KIAA2012: variants seen among roughly 807,000 people sequenced by gnomAD.
KIAA2012 encodes uncharacterized protein KIAA2012.
Under a neutral mutation model 150.6 loss-of-function variants are expected in KIAA2012, and 125 were observed. The observed-to-expected ratio is 0.83, with a 90% confidence interval of 0.72 to 0.96. The LOEUF is 0.96. KIAA2012 is among the 40% of genes least tolerant of loss of function. The pLI, the probability that KIAA2012 is intolerant of heterozygous loss-of-function variation, is 0.00. For missense variants in KIAA2012, 1,219 were observed against 1,354.9 expected (o/e 0.90, Z 1.57); for synonymous variants, 462 against 504.7 (o/e 0.92, Z 1.13).
intron 15 of KIAA2012, among the ~76,000 whole-genome samples, chr2:202,176,152 C>T (rs1268817527): frequency 2.6e-4 from 39 of 151,514 alleles, no homozygotes. Context: ...AAGGAAAAAA[C>T]TTTTTACCTA....
chr2:202,170,445 G>T lies in KIAA2012; in HGVS notation c.2119+5089G>T, dbSNP rs150613951. Among the ~76,000 whole-genome samples the T allele has an allele frequency of 9.1e-4, 139 of 152,174 alleles. 1 individual carries two copies. The highest frequency in any genetic ancestry group is 2.7e-3 in the African/African-American group (110 of 41,502). ...TCCATGGTTCAGCCTCCAGGTTCAGGCCGTCTTAAGTCTTTAACCACCGAC... is the reference window on the plus strand; with the variant it reads ...TCCATGGTTCAGCCTCCAGGTTCAGTCCGTCTTAAGTCTTTAACCACCGAC... On this transcript the variant is annotated intron_variant, in intron 15 of 23. Coordinates refer to ENST00000498697, the MANE Select transcript of KIAA2012 (RefSeq NM_001277372.4).
intron 14 of KIAA2012, among the ~76,000 whole-genome samples, chr2:202,157,774 ACTGCAGCCCCCAG>A (rs1691558927): frequency 6.6e-6 from 1 of 152,298 alleles, no homozygotes; most frequent in South Asian, 2.1e-4. Flanking sequence ...ATAAAGCCTC[ACTGCAGCCCCCAG>A]CTGAGCCCTG....
intron 22 of KIAA2012, among the ~76,000 whole-genome samples, chr2:202,200,362 G>GAGGACCCA (rs1350679770): frequency 6.6e-6 from 1 of 152,118 alleles, no homozygotes; most frequent in African/African-American, 2.4e-5. Flanking sequence ...AACCTATGAG[G>GAGGACCCA]AGGACCCAAA....
At chr2:202,127,380 C>T (rs902768073) in intron 12 of KIAA2012, among the ~76,000 whole-genome samples, 5 of 152,172 alleles carry the variant, frequency 3.3e-5, no homozygotes, top group African/African-American at 1.2e-4. Flanking sequence ...GATAGTTGCT[C>T]TCTTGCAACC....
At chr2:202,119,272 A>C (rs1690603109) in intron 11 of KIAA2012, among the ~76,000 whole-genome samples, 1 of 40,542 alleles carries the variant, frequency 2.5e-5, no homozygotes, top group South Asian at 1.1e-3. Context: ...ACTCCGTCTC[A>C]GGAAAAAAAA....
chr2:202,169,938 G>A (rs1007444568), intron 15 of KIAA2012, among the ~76,000 whole-genome samples: 2 of 152,200 alleles, frequency 1.3e-5, no homozygotes, highest in African/African-American at 4.8e-5. Context: ...TCATCTCTAG[G>A]GCCCCATCCC....
intron 19 of KIAA2012, among the ~76,000 whole-genome samples, chr2:202,192,734 G>A (rs1692345463): frequency 6.6e-6 from 1 of 152,164 alleles, no homozygotes; most frequent in South Asian, 2.1e-4. Flanking sequence ...TAGGATTACA[G>A]GCATGAGCCA....
rs911011272 is a variant in KIAA2012, at chr2:202,186,997, G to A, written c.2275G>A (p.Glu759Lys). The change falls in exon 17 of 24, where the codon GAG (glutamate) becomes AAG (lysine). Residue 759 changes from glutamate (E) to lysine (K), a missense_variant. Transcript: ENST00000498697. ...GLLGYGPESP[E>K]RLSAVYTSLL... ...TCTGGGATACGGGCCTGAGTCACCC[G>A]AGAGGTTGAGTGCTGTGTATACATC... 9.0e-6 allele frequency: 14 copies of A among 1,550,492 alleles called. No individual in the cohort carries two copies. The East Asian group carries it at 2.0e-4, about 22-fold the overall frequency.
chr2:202,173,368 G>A (rs1293148931), intron 15 of KIAA2012, among the ~76,000 whole-genome samples: 5 of 152,124 alleles, frequency 3.3e-5, no homozygotes, highest in African/African-American at 9.7e-5. Flanking sequence ...CTGGGACTTC[G>A]AGACCAGCCT....
chr2:202,125,660 C>A (rs1297064287), intron 12 of KIAA2012, among the ~76,000 whole-genome samples: 1 of 152,116 alleles, frequency 6.6e-6, no homozygotes, highest in Non-Finnish European at 1.5e-5. Flanking sequence ...CCTGCACACA[C>A]CACAAGCTAG....
intron 15 of KIAA2012, among the ~76,000 whole-genome samples, chr2:202,172,692 C>T (rs1484130620): frequency 6.6e-6 from 1 of 152,214 alleles, no homozygotes; most frequent in African/African-American, 2.4e-5. Context: ...TAATGATTGC[C>T]TGACCTGTGC....
chr2:202,144,522 A>G (rs1691258882), intron 13 of KIAA2012, among the ~76,000 whole-genome samples: 1 of 152,220 alleles, frequency 6.6e-6, no homozygotes, highest in Non-Finnish European at 1.5e-5. Flanking sequence ...GCACACGAAA[A>G]AAAAACAAAA....
At chr2:202,151,746 G>C (rs1056927811) in intron 13 of KIAA2012, among the ~76,000 whole-genome samples, 2 of 152,034 alleles carry the variant, frequency 1.3e-5, no homozygotes, top group African/African-American at 2.4e-5. Context: ...TTTTATTTTT[G>C]TATTTGTTAT....
At chr2:202,154,542 A>G (rs1277485551) in intron 13 of KIAA2012, 131 bp from the exon 14 acceptor site, 18 of 804,322 alleles carry the variant, frequency 2.2e-5, no homozygotes, top group East Asian at 8.2e-5. Flanking sequence ...AACAGTAACA[A>G]TAGTTGCTGC....
intron 12 of KIAA2012, among the ~76,000 whole-genome samples, chr2:202,128,217 T>C (rs1363481482): frequency 2.0e-5 from 3 of 152,170 alleles, no homozygotes; most frequent in Admixed American, 2.0e-4. Flanking sequence ...GCTCACTCAC[T>C]GCATTGTCCA....
At chr2:202,118,738 A>G (rs1213360789) in intron 11 of KIAA2012, among the ~76,000 whole-genome samples, 1 of 152,208 alleles carries the variant, frequency 6.6e-6, no homozygotes, top group African/African-American at 2.4e-5. Context: ...AGGCTGTGAT[A>G]GCTGCATTTG....
At chr2:202,126,047 C>A (rs528881312) in intron 12 of KIAA2012, 57 of 296,328 alleles carry the variant, frequency 1.9e-4, no homozygotes, top group African/African-American at 1.2e-3. Context: ...CTCTGACTCC[C>A]GGGTTCAAGC....
intron 13 of KIAA2012, among the ~76,000 whole-genome samples, chr2:202,139,899 C>T (rs933577040): frequency 8.5e-5 from 13 of 152,154 alleles, no homozygotes; most frequent in East Asian, 3.9e-4. Context: ...CACAGCCCCA[C>T]GGTTCTATTC....
intron 16 of KIAA2012, among the ~76,000 whole-genome samples, chr2:202,186,426 C>T (rs924714621): frequency 7.9e-5 from 12 of 151,806 alleles, no homozygotes; most frequent in Admixed American, 6.6e-4. Flanking sequence ...GCAGGAGAAT[C>T]GCTAGAACCC....
Sources: allele counts gnomAD v4.1 joint callset (sites outside exome capture counted in the v4.1 genomes callset), GRCh38; gene constraint gnomAD v4.1.1; transcripts MANE v1.5; gene names NCBI Gene and HGNC (gene_info 2026-07-23, HGNC 2026-07-21).